Variants in KCNMB2 observed in about 807,000 individuals in gnomAD.
KCNMB2 encodes the protein calcium-activated potassium channel subunit beta-2.
In KCNMB2, 9 loss-of-function variants were observed where a neutral mutation model predicts 24.5. That is an observed-to-expected ratio of 0.37 (90% CI 0.22 to 0.64). The LOEUF is 0.64. Among genes scored for constraint, KCNMB2 ranks in the 30% least tolerant of loss-of-function variants. The pLI, the probability that KCNMB2 is intolerant of heterozygous loss-of-function variation, is 0.63. For synonymous variants in KCNMB2, 109 were observed against 104.4 expected (o/e 1.04, Z -0.27); for missense variants, 226 against 284.3 (o/e 0.79, Z 1.47).
chr3:178,565,454 G>T (rs1716484244), intron 1 of KCNMB2, among the ~76,000 whole-genome samples: 1 of 152,134 alleles, frequency 6.6e-6, no homozygotes, highest in Admixed American at 6.5e-5. Context: ...TGAGAGAATA[G>T]GAAAAATTGT....
chr3:178,775,274 T>G (rs1247262964), intron 1 of KCNMB2, among the ~76,000 whole-genome samples: 1 of 152,228 alleles, frequency 6.6e-6, no homozygotes, highest in Non-Finnish European at 1.5e-5. Flanking sequence ...CCTGATACTG[T>G]CTGAAAACAG....
intron 1 of KCNMB2, among the ~76,000 whole-genome samples, chr3:178,792,945 C>T (rs934986699): frequency 6.6e-6 from 1 of 152,212 alleles, no homozygotes; most frequent in African/African-American, 2.4e-5. Flanking sequence ...TCAGCTCCCA[C>T]CCAGCCTTCC....
At chr3:178,707,750 C>T (rs375316047) in intron 1 of KCNMB2, among the ~76,000 whole-genome samples, 9 of 152,242 alleles carry the variant, frequency 5.9e-5, no homozygotes, top group Middle Eastern at 3.4e-3. Context: ...GATTCTCACA[C>T]CCTGAGTTCC....
At position 178,620,141 on chromosome 3, in the gene KCNMB2, G is replaced by T. The variant is rs1451632065; in HGVS notation, c.-68+83430G>T. Reference sequence around the variant, plus strand: ...TATATATATTATGATATGTTCCTATGCTTGAATATTAGGCAGCCCTCAAAG... The same window carrying T: ...TATATATATTATGATATGTTCCTATTCTTGAATATTAGGCAGCCCTCAAAG... On this transcript the variant is annotated intron_variant, in intron 1 of 4. Coordinates refer to ENST00000452583, the MANE Select transcript of KCNMB2 (RefSeq NM_181361.3). 2.0e-5 allele frequency among the ~76,000 whole-genome samples: 3 copies of T among 152,188 alleles called. No homozygotes were observed. The East Asian group carries it at 5.8e-4, about 29-fold the overall frequency.
At chr3:178,586,606 A>G (rs1717448666) in intron 1 of KCNMB2, among the ~76,000 whole-genome samples, 1 of 116,400 alleles carries the variant, frequency 8.6e-6, no homozygotes, top group Admixed American at 1.3e-4. Flanking sequence ...GTGCAGTGGC[A>G]TGATCTCGGC....
chr3:178,841,363 A>C lies in KCNMB2; in HGVS notation c.424-1290A>C, dbSNP rs1429963249. On this transcript the variant is annotated intron_variant, in intron 4 of 4. Coordinates refer to ENST00000452583, the MANE Select transcript of KCNMB2 (RefSeq NM_181361.3). ...CTTCCTGTCCTCTTCTGAGTGCTCC[A>C]AACTGTTCCAACTTCTGCCTGTTAC... Among the ~76,000 whole-genome samples, 3 of 152,176 alleles carry C rather than the reference A, an allele frequency of 2.0e-5. No homozygotes were observed. In the South Asian group the frequency reaches 6.2e-4, roughly 32 times the overall value.
chr3:178,590,887 C>G (rs372374761), intron 1 of KCNMB2, among the ~76,000 whole-genome samples: 20 of 152,082 alleles, frequency 1.3e-4, no homozygotes, highest in African/African-American at 1.7e-4. Flanking sequence ...TGGTGCAGGA[C>G]TGGTAAATTC....
At chr3:178,680,103 C>T (rs1256274279) in intron 1 of KCNMB2, among the ~76,000 whole-genome samples, 4 of 152,086 alleles carry the variant, frequency 2.6e-5, no homozygotes, top group East Asian at 1.9e-4. Context: ...CACCCCTCTG[C>T]GCATAAATTA....
At chr3:178,554,457 C>G (rs1368379936) in intron 1 of KCNMB2, among the ~76,000 whole-genome samples, 1 of 152,182 alleles carries the variant, frequency 6.6e-6, no homozygotes, top group African/African-American at 2.4e-5. Context: ...TTAGAGAGTT[C>G]ATAAACATGT....
At chr3:178,769,340 C>A (rs115047974) in intron 1 of KCNMB2, among the ~76,000 whole-genome samples, 1 of 152,100 alleles carries the variant, frequency 6.6e-6, no homozygotes, top group Non-Finnish European at 1.5e-5. Context: ...GCCTACATAA[C>A]CAGTTCTTGC....
At chr3:178,739,653 C>A (rs1723429925) in intron 1 of KCNMB2, among the ~76,000 whole-genome samples, 1 of 152,124 alleles carries the variant, frequency 6.6e-6, no homozygotes, top group African/African-American at 2.4e-5. Flanking sequence ...CCTCCAAATC[C>A]TTTGGAAAAC....
Position 178,842,953 on chromosome 3 carries a change from A to C in KCNMB2, c.*16A>C, listed in dbSNP as rs1715481418. The C allele has an allele frequency of 1.3e-6, 2 of 1,582,350 alleles. No homozygotes were observed. The highest frequency in any genetic ancestry group is 1.7e-6 in the Non-Finnish European group (2 of 1,162,642). ...CAATAGATAAATGCAAAAATGGATA[A>C]AATAATTTTTGTTAAAGCTCAAATA... is the stretch of plus-strand genomic sequence containing the variant. On this transcript the variant is annotated 3_prime_UTR_variant, in exon 5 of 5. Coordinates refer to ENST00000452583, the MANE Select transcript of KCNMB2 (RefSeq NM_181361.3).
chr3:178,644,794 C>T (rs1719856693), intron 1 of KCNMB2, among the ~76,000 whole-genome samples: 1 of 152,074 alleles, frequency 6.6e-6, no homozygotes, highest in Non-Finnish European at 1.5e-5. Flanking sequence ...CAGTATGAAC[C>T]AAAGCTCTAC....
At chr3:178,541,736 C>T (rs1715625388) in intron 1 of KCNMB2, among the ~76,000 whole-genome samples, 1 of 152,098 alleles carries the variant, frequency 6.6e-6, no homozygotes, top group South Asian at 2.1e-4. Flanking sequence ...TTGAATCTCA[C>T]CTTTTCTACT....
chr3:178,731,560 C>T (rs1723150705), intron 1 of KCNMB2, among the ~76,000 whole-genome samples: 1 of 152,118 alleles, frequency 6.6e-6, no homozygotes, highest in Non-Finnish European at 1.5e-5. Context: ...TATGTGTTCC[C>T]TGATGGAAGT....
intron 1 of KCNMB2, among the ~76,000 whole-genome samples, chr3:178,783,225 T>A: frequency 6.6e-6 from 1 of 152,108 alleles, no homozygotes; most frequent in African/African-American, 2.4e-5. Context: ...TCAGGTAGCA[T>A]GATGCCTCCA....
chr3:178,682,524 C>T (rs1055031217), intron 1 of KCNMB2, among the ~76,000 whole-genome samples: 7 of 152,046 alleles, frequency 4.6e-5, no homozygotes, highest in Admixed American at 3.9e-4. Context: ...TTGATGCATG[C>T]CACAAATGTG....
At chr3:178,561,310 T>C (rs1242576271) in intron 1 of KCNMB2, among the ~76,000 whole-genome samples, 1 of 152,206 alleles carries the variant, frequency 6.6e-6, no homozygotes, top group Non-Finnish European at 1.5e-5. Context: ...TTTTTAGAGA[T>C]TACTGTAAGT....
intron 1 of KCNMB2, among the ~76,000 whole-genome samples, chr3:178,654,842 C>T (rs9862125): frequency 0.012 from 1,836 of 152,224 alleles, 32 homozygotes; most frequent in African/African-American, 0.041. Flanking sequence ...GTAAGCTCTA[C>T]GGTCAGCCTG....
Sources: gnomAD v4.1 joint callset for allele counts (sites outside exome capture counted in the v4.1 genomes callset) on GRCh38, gnomAD v4.1.1 for gene constraint, MANE v1.5 for transcripts, NCBI Gene and HGNC (gene_info 2026-07-23, HGNC 2026-07-21) for gene names.